Variants in ACCSL observed in about 807,000 individuals in gnomAD.
ACCSL encodes 1-aminocyclopropane-1-carboxylate synthase homolog (inactive) like.
In ACCSL, 55 loss-of-function variants were observed where a neutral mutation model predicts 61.7. The observed-to-expected ratio is 0.89, with a 90% CI of 0.72 to 1.12. The LOEUF (loss-of-function observed/expected upper bound fraction) is 1.12. Ranked by LOEUF, ACCSL falls within the 50% of genes most tolerant of loss-of-function variation. ACCSL has a pLI of 0.00. For synonymous variants in ACCSL, 258 were observed against 264.3 expected, an observed-to-expected ratio of 0.98 and a Z score of 0.23; for missense variants, 632 against 698.0, an observed-to-expected ratio of 0.91 and a Z score of 1.07.
At chr11:43,976,784 G>A in the ACCSL span, among the ~76,000 whole-genome samples, 1,284 of 152,302 alleles carry the variant, frequency 8.4e-3, 11 homozygotes, top group African/African-American at 0.029. Context: ...GGACACACCA[G>A]ACTACAAGAA....
the ACCSL span, among the ~76,000 whole-genome samples, chr11:44,040,466 A>G: frequency 6.6e-6 from 1 of 152,114 alleles, no homozygotes; most frequent in Non-Finnish European, 1.5e-5. Flanking sequence ...TTTAGGTAAT[A>G]GGGAATTCCT....
chr11:44,014,870 G>A, the ACCSL span, among the ~76,000 whole-genome samples: 5 of 152,208 alleles, frequency 3.3e-5, no homozygotes, highest in South Asian at 4.1e-4. Context: ...AGCGCTCTCC[G>A]AGCCTGGGCT....
chr11:44,044,804 T>C (rs3094395), upstream of ACCSL, among the ~76,000 whole-genome samples: 21,936 of 152,204 alleles, frequency 0.14, 1,880 homozygotes, highest in African/African-American at 0.25. Context: ...CTTCTGTTCA[T>C]GATCTGTCTT....
At chr11:43,948,113 A>C in the ACCSL span, among the ~76,000 whole-genome samples, 1 of 152,100 alleles carries the variant, frequency 6.6e-6, no homozygotes, top group Non-Finnish European at 1.5e-5. Context: ...CCTGGGGGAG[A>C]TGTTTAGCAG....
At chr11:44,009,244 C>T in the ACCSL span, among the ~76,000 whole-genome samples, 51 of 152,082 alleles carry the variant, frequency 3.4e-4, no homozygotes, top group South Asian at 8.3e-4. Context: ...AGGATAGGAG[C>T]GATTGCGGTA....
chr11:43,977,554 C>T, the ACCSL span, among the ~76,000 whole-genome samples: 304 of 152,324 alleles, frequency 2.0e-3, 2 homozygotes, highest in African/African-American at 7.0e-3. Flanking sequence ...GAAGGAAATG[C>T]AACTCAGCTG....
the ACCSL span, chr11:43,924,995 C>T: frequency 5.9e-6 from 1 of 170,386 alleles, no homozygotes; most frequent in South Asian, 1.5e-4. Flanking sequence ...GACTAGCCAC[C>T]AGTTTCTTCC....
At chr11:43,988,158 C>T in the ACCSL span, among the ~76,000 whole-genome samples, 8 of 152,232 alleles carry the variant, frequency 5.3e-5, no homozygotes, top group African/African-American at 1.7e-4. Flanking sequence ...CAGTAGTTTA[C>T]AAAACTAATT....
the ACCSL span, chr11:43,942,349 A>T: frequency 4.8e-6 from 1 of 209,852 alleles, no homozygotes; most frequent in East Asian, 1.8e-4. Context: ...GTGCCCGCCC[A>T]GTCGCGGCGA....
At chr11:44,003,432 C>T in the ACCSL span, among the ~76,000 whole-genome samples, 2 of 152,084 alleles carry the variant, frequency 1.3e-5, no homozygotes, top group Non-Finnish European at 2.9e-5. Flanking sequence ...GTGGGTGGGT[C>T]GCTTGAGGCC....
chr11:43,943,574 G>A, the ACCSL span: 4 of 1,313,324 alleles, frequency 3.0e-6, no homozygotes, highest in Non-Finnish European at 4.0e-6. This position sits in a 1 kb window ranked among gnomAD's most constrained non-coding sequence, Gnocchi z 4.8. Context: ...CCCGCGCTGA[G>A]TCGGCGGCGG....
the ACCSL span, chr11:43,942,169 C>A: frequency 6.5e-6 from 1 of 153,646 alleles, no homozygotes; most frequent in Middle Eastern, 1.3e-3. Context: ...GGCGCTCAGG[C>A]TCGCCAGGCT....
the ACCSL span, among the ~76,000 whole-genome samples, chr11:43,929,603 C>T: frequency 1.3e-5 from 2 of 152,094 alleles, no homozygotes; most frequent in African/African-American, 2.4e-5. Context: ...GATGGGGTTT[C>T]GCCATGTTGG....
the ACCSL span, among the ~76,000 whole-genome samples, chr11:43,975,361 A>T: frequency 5.3e-5 from 8 of 152,242 alleles, no homozygotes; most frequent in South Asian, 2.1e-4. Flanking sequence ...TACTGACTTT[A>T]AAAAAGGCTA....
the ACCSL span, among the ~76,000 whole-genome samples, chr11:44,037,219 T>C: frequency 6.6e-5 from 10 of 152,302 alleles, no homozygotes; most frequent in East Asian, 1.4e-3. Flanking sequence ...AAAGGGGTGG[T>C]AGCAGGAACA....
chr11:44,034,875 C>G, the ACCSL span, among the ~76,000 whole-genome samples: 1 of 152,238 alleles, frequency 6.6e-6, no homozygotes, highest in Non-Finnish European at 1.5e-5. Context: ...GCCAGCTCCA[C>G]AAGGCAATGA....
At chr11:43,925,085 G>A in the ACCSL span, 1 of 199,330 alleles carries the variant, frequency 5.0e-6, no homozygotes, top group African/African-American at 2.3e-5. Context: ...CTGGCCTGAA[G>A]GTAAAAATCA....
chr11:43,987,368 G>C, the ACCSL span, among the ~76,000 whole-genome samples: 1 of 152,172 alleles, frequency 6.6e-6, no homozygotes, highest in Non-Finnish European at 1.5e-5. Context: ...CCAGATGGAG[G>C]AATTTCCAGA....
At chr11:43,925,734 G>A in the ACCSL span, among the ~76,000 whole-genome samples, 50 of 152,240 alleles carry the variant, frequency 3.3e-4, no homozygotes, top group Non-Finnish European at 5.0e-4. Context: ...CTTCAGTCAG[G>A]TGGACCCAGG....
Sources: gnomAD v4.1 joint callset for allele counts (sites outside exome capture counted in the v4.1 genomes callset) on GRCh38, gnomAD v4.1.1 for gene constraint, Gnocchi (gnomAD v3.1) non-coding constraint, MANE v1.5 for transcripts, NCBI Gene and HGNC (gene_info 2026-07-23, HGNC 2026-07-21) for gene names.